The following PLCB4 variants were observed in gnomAD, a reference collection of about 807,000 sequenced individuals.
PLCB4 encodes the protein 1-phosphatidylinositol 4,5-bisphosphate phosphodiesterase beta-4.
In PLCB4, 77 loss-of-function variants were observed where a neutral mutation model predicts 178.8. That is an observed-to-expected ratio of 0.43 (90% CI 0.36 to 0.52). The LOEUF (loss-of-function observed/expected upper bound fraction) is 0.52, where lower values mean the gene tolerates loss of function less well. PLCB4 is among the 20% of genes least tolerant of loss of function. The pLI is 0.00. For synonymous variants in PLCB4, 496 were observed against 490.8 expected, an observed-to-expected ratio of 1.01 and a Z score of -0.14; for missense variants, 1,024 against 1,453.4, an observed-to-expected ratio of 0.70 and a Z score of 4.80.
chr20:9,229,656 A>T (rs532888610), intron 3 of PLCB4, among the ~76,000 whole-genome samples: 7 of 152,068 alleles, frequency 4.6e-5, no homozygotes, highest in African/African-American at 1.7e-4. Flanking sequence ...ATCTAAAAAC[A>T]GTTTTTACAA....
At chr20:9,293,273 G>C (rs567194253) in intron 3 of PLCB4, among the ~76,000 whole-genome samples, 1 of 148,994 alleles carries the variant, frequency 6.7e-6, no homozygotes, top group African/African-American at 2.5e-5. Flanking sequence ...GAAGGAAAGG[G>C]AAGGGAAGGA....
At chr20:9,143,419 A>C (rs1052470954) in intron 2 of PLCB4, among the ~76,000 whole-genome samples, 1 of 152,158 alleles carries the variant, frequency 6.6e-6, no homozygotes, top group Non-Finnish European at 1.5e-5. Flanking sequence ...AATAATTTCT[A>C]TCTTTATATT....
intron 2 of PLCB4, among the ~76,000 whole-genome samples, chr20:9,196,633 G>A (rs916511449): frequency 2.6e-5 from 4 of 152,158 alleles, no homozygotes; most frequent in Non-Finnish European, 4.4e-5. Flanking sequence ...GAAGGGTTGT[G>A]GAAAGTCATG....
chr20:9,360,811 G>A (rs1210537530), intron 7 of PLCB4, among the ~76,000 whole-genome samples: 3 of 152,120 alleles, frequency 2.0e-5, no homozygotes, highest in Admixed American at 6.6e-5. Context: ...TGAGGCTTTC[G>A]ATGCTATTTA....
At chr20:9,180,433 T>C (rs370733787) in intron 2 of PLCB4, among the ~76,000 whole-genome samples, 2 of 152,284 alleles carry the variant, frequency 1.3e-5, no homozygotes. Context: ...ATTCTGCAAA[T>C]TGGGGCATTT....
chr20:9,349,576 A>G (rs902590713), intron 7 of PLCB4, among the ~76,000 whole-genome samples: 5 of 152,182 alleles, frequency 3.3e-5, no homozygotes, highest in African/African-American at 1.2e-4. Context: ...CATGGGGCAC[A>G]TGGTTTTCAG....
At chr20:9,127,664 ATCTATC>A (rs2092154408) in intron 2 of PLCB4, among the ~76,000 whole-genome samples, 1 of 151,582 alleles carries the variant, frequency 6.6e-6, no homozygotes, top group East Asian at 2.0e-4. Flanking sequence ...CTATCTATCT[ATCTATC>A]TATCTATCTA....
At chr20:9,102,988 C>A (rs370232939) in intron 2 of PLCB4, among the ~76,000 whole-genome samples, 5 of 151,772 alleles carry the variant, frequency 3.3e-5, no homozygotes, top group Admixed American at 2.0e-4. Flanking sequence ...CTCACTCCTA[C>A]TGCCTTTGTT....
intron 3 of PLCB4, among the ~76,000 whole-genome samples, chr20:9,247,701 G>A (rs932165555): frequency 3.3e-5 from 5 of 152,116 alleles, no homozygotes; most frequent in African/African-American, 1.2e-4. Flanking sequence ...GGTAGATTGG[G>A]TTCTGAAACA....
In PLCB4 at chr20:9,110,998, C is replaced by T. The variant is rs531742283; in HGVS notation, c.-79+14656C>T. ...TTAAGCAGGTATTCAATTTATTATT[C>T]AAACTGTTTCCAAGGTGAGCTGCTA... is the stretch of plus-strand genomic sequence containing the variant. On this transcript the variant is annotated intron_variant, in intron 2 of 39. Transcript: ENST00000378473. Among the ~76,000 whole-genome samples the T allele has an allele frequency of 1.6e-4, 25 of 152,174 alleles. 1 individual carries two copies. Among genetic ancestry groups the T allele is most frequent in the African/African-American group, 5.5e-4 (23 of 41,540 alleles).
intron 30 of PLCB4, among the ~76,000 whole-genome samples, chr20:9,443,004 T>C (rs2042201550): frequency 6.6e-6 from 1 of 152,214 alleles, no homozygotes; most frequent in South Asian, 2.1e-4. Flanking sequence ...ACATTCATTT[T>C]GTTTGCCTAA....
intron 2 of PLCB4, among the ~76,000 whole-genome samples, chr20:9,150,190 A>C (rs532435727): frequency 6.6e-6 from 1 of 152,348 alleles, no homozygotes; most frequent in African/African-American, 2.4e-5. Context: ...TTAAACCATA[A>C]GAAATGCCTT....
At chr20:9,097,654 A>T (rs1268838501) in intron 2 of PLCB4, among the ~76,000 whole-genome samples, 1 of 152,112 alleles carries the variant, frequency 6.6e-6, no homozygotes, top group Admixed American at 6.6e-5. Flanking sequence ...TTCTTCTGCA[A>T]CCTCACAAGA....
intron 2 of PLCB4, among the ~76,000 whole-genome samples, chr20:9,188,345 G>C (rs1303038534): frequency 1.3e-5 from 2 of 152,230 alleles, no homozygotes; most frequent in South Asian, 2.1e-4. Context: ...CTGTGTGGGA[G>C]TCACTTGTCA....
intron 3 of PLCB4, among the ~76,000 whole-genome samples, chr20:9,305,414 C>T (rs970303255): frequency 1.3e-5 from 2 of 152,044 alleles, no homozygotes; most frequent in African/African-American, 4.8e-5. Context: ...CTGTTCCCTT[C>T]CCAAAATGGT....
Position 9,411,108 on chromosome 20 carries a change from C to T in PLCB4, c.2051+20C>T. On this transcript the variant is annotated intron_variant, in intron 25 of 39. Coordinates refer to ENST00000378473, the MANE Select transcript of PLCB4 (RefSeq NM_001377142.1). ...GTGCGGGTGAGTAATATGATTTAAA[C>T]TGTTTTCACCTAGATTGAGAACTCC... The T allele has an allele frequency of 6.5e-7, 1 of 1,547,238 alleles. No individual in the cohort carries two copies. Among genetic ancestry groups the T allele is most frequent in the African/African-American group, 1.4e-5 (1 of 73,428 alleles).
At chr20:9,384,438 T>C in intron 14 of PLCB4, 27 bp downstream of exon 14, 1 of 1,494,682 alleles carries the variant, frequency 6.7e-7, no homozygotes, top group Non-Finnish European at 9.3e-7. Flanking sequence ...GGCAATTTGT[T>C]TTTTGTGTGT....
intron 2 of PLCB4, among the ~76,000 whole-genome samples, chr20:9,120,788 GCCT>G (rs2091938955): frequency 6.6e-6 from 1 of 152,072 alleles, no homozygotes; most frequent in African/African-American, 2.4e-5. Flanking sequence ...ACCGTCAGGA[GCCT>G]CCTCCTCCAT....
In PLCB4 at chr20:9,197,167, G is replaced by A. The variant is rs1440727430; in HGVS notation, c.-78-20223G>A. ...AATTATTAGATGCCTCCAGGTAAAC[G>A]ACCATGTGGGCCTCTCCAGTTGTCT... On this transcript the variant is annotated intron_variant, in intron 2 of 39. Transcript: ENST00000378473. 3.3e-5 allele frequency among the ~76,000 whole-genome samples: 5 copies of A among 152,262 alleles called. No individual in the cohort carries two copies. The East Asian group carries it at 7.7e-4, about 24-fold the overall frequency.
Sources: allele counts gnomAD v4.1 joint callset (sites outside exome capture counted in the v4.1 genomes callset), GRCh38; gene constraint gnomAD v4.1.1; transcripts MANE v1.5; gene names NCBI Gene and HGNC (gene_info 2026-07-23, HGNC 2026-07-21).